Variants in CSMD1 observed in about 807,000 individuals in gnomAD.
CSMD1 encodes the protein CUB and Sushi multiple domains 1, also known as CUB and sushi domain-containing protein 1.
Under a neutral mutation model 417.5 loss-of-function variants are expected in CSMD1, and 213 were observed. That is an observed-to-expected ratio of 0.51 (90% CI 0.46 to 0.57). The LOEUF (loss-of-function observed/expected upper bound fraction) is 0.57, where lower values mean the gene tolerates loss of function less well. Among genes scored for constraint, CSMD1 ranks in the 20% least tolerant of loss-of-function variants. CSMD1 has a pLI of 0.00. For missense variants in CSMD1, 6,923 were observed against 4,529.7 expected, an observed-to-expected ratio of 1.53 and a Z score of -15.17; for synonymous variants, 2,862 against 1,736.8, an observed-to-expected ratio of 1.65 and a Z score of -16.11.
intron 25 of CSMD1, among the ~76,000 whole-genome samples, chr8:3,298,012 G>A (rs146741897): frequency 6.6e-6 from 1 of 152,154 alleles, no homozygotes; most frequent in Admixed American, 6.5e-5. Context: ...ACCTTGATCA[G>A]TCGTCAGGGA....
At chr8:3,085,603 G>T (rs1437353819) in intron 49 of CSMD1, among the ~76,000 whole-genome samples, 1 of 152,164 alleles carries the variant, frequency 6.6e-6, no homozygotes, top group Non-Finnish European at 1.5e-5. Flanking sequence ...AGCCTCATTT[G>T]CAGTGTGCAC....
intron 5 of CSMD1, among the ~76,000 whole-genome samples, chr8:3,997,035 T>G (rs561414027): frequency 3.9e-5 from 6 of 152,332 alleles, no homozygotes; most frequent in South Asian, 4.1e-4. Flanking sequence ...ATGGCCAACA[T>G]TTCCTCTGTG....
chr8:3,781,664 G>A (rs1310149648), intron 5 of CSMD1, among the ~76,000 whole-genome samples: 1 of 152,154 alleles, frequency 6.6e-6, no homozygotes, highest in Non-Finnish European at 1.5e-5. Flanking sequence ...TGAATGGCAG[G>A]TGCCTAGGTT....
At chr8:3,552,195 T>G (rs1454155517) in intron 10 of CSMD1, among the ~76,000 whole-genome samples, 1 of 152,062 alleles carries the variant, frequency 6.6e-6, no homozygotes, top group Non-Finnish European at 1.5e-5. Flanking sequence ...GTACTGTCTG[T>G]GGAAAAGACA....
intron 3 of CSMD1, among the ~76,000 whole-genome samples, chr8:4,045,248 G>T (rs568039871): frequency 6.6e-6 from 1 of 152,216 alleles, no homozygotes; most frequent in East Asian, 1.9e-4. Context: ...CTTAGGAGCA[G>T]AAGTGAGACA....
At chr8:4,416,877 G>C (rs886979907) in intron 3 of CSMD1, among the ~76,000 whole-genome samples, 3 of 151,968 alleles carry the variant, frequency 2.0e-5, no homozygotes, top group African/African-American at 7.2e-5. Flanking sequence ...AAAATTTATA[G>C]ACATAGTACT....
At chr8:3,705,223 C>A (rs12549057) in intron 7 of CSMD1, among the ~76,000 whole-genome samples, 59,450 of 151,994 alleles carry the variant, frequency 0.39, 11,867 homozygotes, top group East Asian at 0.56. Flanking sequence ...ACAAGGGGCA[C>A]AAGTTGGTGC....
intron 11 of CSMD1, among the ~76,000 whole-genome samples, chr8:3,484,207 G>C (rs913205099): frequency 3.9e-5 from 6 of 152,172 alleles, no homozygotes; most frequent in African/African-American, 1.4e-4. Context: ...ATAGTAATTA[G>C]TAATGTGTGG....
intron 1 of CSMD1, among the ~76,000 whole-genome samples, chr8:4,986,740 C>T (rs933948211): frequency 1.3e-5 from 2 of 151,992 alleles, no homozygotes; most frequent in African/African-American, 4.8e-5. Context: ...GAAGATTAGA[C>T]AGCATTGAAT....
intron 1 of CSMD1, among the ~76,000 whole-genome samples, chr8:4,852,533 C>T (rs540512165): frequency 3.7e-4 from 56 of 152,236 alleles, no homozygotes; most frequent in African/African-American, 1.3e-3. Context: ...AGTTACCTAG[C>T]CTTGGGTATT....
intron 2 of CSMD1, among the ~76,000 whole-genome samples, chr8:4,459,725 A>C (rs1027605519): frequency 2.6e-5 from 4 of 152,214 alleles, no homozygotes; most frequent in Non-Finnish European, 5.9e-5. Context: ...ATAATGAAGC[A>C]ATCAGGTGGA....
chr8:3,733,718 C>T (rs188221216), intron 6 of CSMD1, among the ~76,000 whole-genome samples: 2 of 152,180 alleles, frequency 1.3e-5, no homozygotes, highest in East Asian at 1.9e-4. Flanking sequence ...TGGATGGACG[C>T]CCATGGGGTT....
rs533177247 is a variant in CSMD1 at position 3,801,036 on chromosome 8, A to G, written c.819-46994T>C. Among the ~76,000 whole-genome samples the G allele has an allele frequency of 1.1e-4, 16 of 152,260 alleles. 2 individuals are homozygous for G. The highest frequency in any genetic ancestry group is 3.9e-4 in the African/African-American group (16 of 41,552). On this transcript the variant is annotated intron_variant, in intron 5 of 69. Transcript: ENST00000635120. ...ATATTTGAAAAAAGCAAAAGAGTAA[A>G]TCTTTATAACCGTGGTTGAGGCCAT...
intron 5 of CSMD1, among the ~76,000 whole-genome samples, chr8:3,838,525 T>TAC (rs1491086361): frequency 3.1e-5 from 2 of 64,044 alleles, no homozygotes; most frequent in African/African-American, 1.7e-4. Flanking sequence ...TAATATAGCC[T>TAC]ATATATATAG....
At chr8:3,967,203 G>A (rs1471747287) in intron 5 of CSMD1, among the ~76,000 whole-genome samples, 1 of 151,598 alleles carries the variant, frequency 6.6e-6, no homozygotes, top group African/African-American at 2.4e-5. Context: ...TCTCTCTACT[G>A]CTTTGCTCTT....
intron 3 of CSMD1, among the ~76,000 whole-genome samples, chr8:4,232,730 C>G (rs547411458): frequency 5.9e-5 from 9 of 152,276 alleles, no homozygotes; most frequent in Non-Finnish European, 1.3e-4. Flanking sequence ...ATTTAACAGT[C>G]GTAAGATTGC....
intron 2 of CSMD1, among the ~76,000 whole-genome samples, chr8:4,566,583 G>A (rs995581480): frequency 2.7e-5 from 4 of 150,184 alleles, no homozygotes; most frequent in African/African-American, 7.4e-5. Flanking sequence ...AACCCAGGAG[G>A]TGGAGCTTGC....
At chr8:4,116,097 C>A (rs530785767) in intron 3 of CSMD1, among the ~76,000 whole-genome samples, 2 of 151,852 alleles carry the variant, frequency 1.3e-5, no homozygotes, top group Non-Finnish European at 2.9e-5. Context: ...CTCCTGGGTT[C>A]AAGCGATTTT....
intron 3 of CSMD1, among the ~76,000 whole-genome samples, chr8:4,150,129 T>TA (rs1265491974): frequency 2.0e-5 from 3 of 152,212 alleles, no homozygotes; most frequent in African/African-American, 7.2e-5. Context: ...TTGTGTATTT[T>TA]AAGGAATAAA....
Sources: gnomAD v4.1 joint callset for allele counts (sites outside exome capture counted in the v4.1 genomes callset) on GRCh38, gnomAD v4.1.1 for gene constraint, MANE v1.5 for transcripts, NCBI Gene and HGNC (gene_info 2026-07-23, HGNC 2026-07-21) for gene names.